HHIP: variants seen among roughly 807,000 people sequenced by gnomAD.
HHIP encodes the protein hedgehog interacting protein.
A neutral mutation model predicts 74.0 loss-of-function variants in HHIP; 12 were observed. The ratio of observed to expected loss-of-function variants is 0.16; its 90% confidence interval spans 0.10 to 0.26. HHIP has a LOEUF of 0.26. Ranked by LOEUF, HHIP falls within the 10% of genes least tolerant of loss-of-function variation. The probability of loss-of-function intolerance (pLI) is 1.00; values close to 1 mark genes in which losing one functional copy is unlikely to be tolerated. For missense variants in HHIP, 788 were observed against 845.0 expected (o/e 0.93, Z 0.84); for synonymous variants, 309 against 311.6 (o/e 0.99, Z 0.09).
chr4:144,649,544 G>A (rs1444219581), intron 1 of HHIP, among the ~76,000 whole-genome samples: 2 of 152,104 alleles, frequency 1.3e-5, no homozygotes, highest in Admixed American at 6.6e-5. Flanking sequence ...AATTTAGGAA[G>A]TCATATTATC....
rs562511340 is a variant in HHIP at position 144,687,445 on chromosome 4, C to T, written c.832-19086C>T. On this transcript the variant is annotated intron_variant, in intron 4 of 12. Transcript: ENST00000296575. Reference sequence around the variant, plus strand: ...TTAATGCATTAACTCTAGGCTAGTACAGAGCTTAATGATGCATCCCTGCTT... The same window carrying T: ...TTAATGCATTAACTCTAGGCTAGTATAGAGCTTAATGATGCATCCCTGCTT... 1.1e-4 allele frequency among the ~76,000 whole-genome samples: 16 copies of T among 152,258 alleles called. No individual in the cohort carries two copies. In the East Asian group the frequency reaches 1.2e-3, roughly 11 times the overall value.
Position 144,734,783 on chromosome 4 carries a change from A to ACAG in HHIP, c.1804_1806dup (p.Gln602dup), listed in dbSNP as rs1210475529. ...AATGCAGAGCCACGGTACAACCTGC[A>ACAG]CAGACACTGACTTCAGAGTGCTCCA... is the stretch of plus-strand genomic sequence containing the variant. On this transcript the variant is annotated inframe_insertion, in exon 12 of 13. Transcript: ENST00000296575. The ACAG allele has an allele frequency of 6.2e-7, 1 of 1,611,404 alleles. No individual in the cohort carries two copies. Among genetic ancestry groups the ACAG allele is most frequent in the Non-Finnish European group, 8.5e-7 (1 of 1,178,046 alleles).
At chr4:144,680,111 T>C (rs1188713464) in intron 4 of HHIP, among the ~76,000 whole-genome samples, 2 of 152,340 alleles carry the variant, frequency 1.3e-5, no homozygotes, top group East Asian at 3.9e-4. Flanking sequence ...TAATTTCTTT[T>C]TAATGAAAAG....
chr4:144,667,821 T>C (rs559276575), intron 4 of HHIP, among the ~76,000 whole-genome samples: 1 of 152,122 alleles, frequency 6.6e-6, no homozygotes, highest in Non-Finnish European at 1.5e-5. Context: ...GTTAATAAAT[T>C]GTAGGATTTG....
chr4:144,678,917 A>G (rs553527760), intron 4 of HHIP, among the ~76,000 whole-genome samples: 2 of 152,318 alleles, frequency 1.3e-5, no homozygotes, highest in Admixed American at 1.3e-4. Context: ...GCTGGGTCAA[A>G]TGGTATTTCC....
chr4:144,707,045 A>G, intron 5 of HHIP, 42 bp from the exon 6 acceptor site: 1 of 1,562,310 alleles, frequency 6.4e-7, no homozygotes, highest in Non-Finnish European at 8.8e-7. Flanking sequence ...CTCATCTTAA[A>G]TCTTTTAACA....
chr4:144,732,541 CT>C (rs1157271798), intron 11 of HHIP, among the ~76,000 whole-genome samples: 1 of 152,118 alleles, frequency 6.6e-6, no homozygotes, highest in Admixed American at 6.5e-5. Context: ...ACACTCTCCC[CT>C]AAAGAATAGC....
rs550288926 is a variant in HHIP, at chr4:144,729,469, A to G, written c.1761-5272A>G. ...TTCCTCCTGGCTGGGAAATGGACCT[A>G]ATTTAGAAACAGGCCTCACAAACTT... On this transcript the variant is annotated intron_variant, in intron 11 of 12. Transcript: ENST00000296575. Among the ~76,000 whole-genome samples the G allele has an allele frequency of 3.0e-4, 45 of 152,284 alleles. 3 individuals carry two copies. In the South Asian group the frequency reaches 9.3e-3, roughly 32 times the overall value.
chr4:144,657,441 A>G (rs1039780489), intron 2 of HHIP, among the ~76,000 whole-genome samples: 2 of 152,092 alleles, frequency 1.3e-5, no homozygotes, highest in African/African-American at 4.8e-5. Flanking sequence ...AAAAATAAAA[A>G]CTTTAGATAT....
chr4:144,707,287 C>T, intron 6 of HHIP, 27 bp downstream of exon 6: 1 of 1,548,764 alleles, frequency 6.5e-7, no homozygotes, highest in Non-Finnish European at 8.7e-7. Context: ...AGATGGGTTC[C>T]TCTCAAGGTT....
chr4:144,706,253 G>T lies in HHIP; in HGVS notation c.832-278G>T, dbSNP rs3733423. Among the ~76,000 whole-genome samples the T allele has an allele frequency of 0.57, 85,908 of 151,578 alleles. 24,510 individuals carry two copies. The highest frequency in any genetic ancestry group is 0.76 in the South Asian group (3,643 of 4,814). On this transcript the variant is annotated intron_variant, in intron 4 of 12. Transcript: ENST00000296575. ...CAGCACTTAAACTTGTCCTCCTAGCGGCCCAAGATTACATACACAAATCAC... is the reference window on the plus strand; with the variant it reads ...CAGCACTTAAACTTGTCCTCCTAGCTGCCCAAGATTACATACACAAATCAC...
chr4:144,697,533 G>A (rs971381077), intron 4 of HHIP, among the ~76,000 whole-genome samples: 1 of 151,994 alleles, frequency 6.6e-6, no homozygotes, highest in African/African-American at 2.4e-5. Flanking sequence ...ATATATTAAA[G>A]TTTCCACAGC....
intron 4 of HHIP, among the ~76,000 whole-genome samples, chr4:144,665,265 C>T (rs1287503429): frequency 6.6e-6 from 1 of 151,904 alleles, no homozygotes; most frequent in East Asian, 1.9e-4. Context: ...GACAGGGTTT[C>T]CTCATGTTGC....
intron 11 of HHIP, among the ~76,000 whole-genome samples, chr4:144,722,273 G>C (rs1681605654): frequency 1.3e-5 from 2 of 152,108 alleles, no homozygotes; most frequent in Admixed American, 1.3e-4. Context: ...GGAGTCAACT[G>C]GTCTGATCTC....
intron 4 of HHIP, among the ~76,000 whole-genome samples, chr4:144,674,409 A>G (rs1018917800): frequency 2.0e-5 from 3 of 152,176 alleles, no homozygotes; most frequent in African/African-American, 4.8e-5. Flanking sequence ...TTTTCTTGCC[A>G]TTTATTTTTT....
At chr4:144,686,913 C>A (rs1476330068) in intron 4 of HHIP, among the ~76,000 whole-genome samples, 2 of 151,966 alleles carry the variant, frequency 1.3e-5, no homozygotes, top group African/African-American at 2.4e-5. Flanking sequence ...AAACTTAAAC[C>A]CTTAAAAAGA....
At chr4:144,685,469 T>C (rs991581111) in intron 4 of HHIP, 11 of 152,222 alleles carry the variant, frequency 7.2e-5, no homozygotes, top group African/African-American at 2.2e-4. Flanking sequence ...ACTTTTATAA[T>C]AGCAACAAAT....
In HHIP at chr4:144,742,793, G is replaced by T. The variant is rs1410929627; in HGVS notation, c.*4836G>T. ...TCTTTTTGTCACACAAACATAAATT[G>T]GTCATATATATATTTATATATATGG... On this transcript the variant is annotated 3_prime_UTR_variant, in exon 13 of 13. Coordinates refer to ENST00000296575, the MANE Select transcript of HHIP (RefSeq NM_022475.3). 3.5e-5 allele frequency: 5 copies of T among 142,080 alleles called. No individual in the cohort carries two copies. Among genetic ancestry groups the T allele is most frequent in the African/African-American group, 1.0e-4 (4 of 38,398 alleles). The allele number at this position is 142,080 out of a possible 1,614,324, so 8.8% of individuals were successfully genotyped here.
Position 144,740,375 on chromosome 4 carries a change from A to G in HHIP, c.*2418A>G, listed in dbSNP as rs1731233645. The G allele has an allele frequency of 6.6e-6, 1 of 152,208 alleles. No individual in the cohort carries two copies. Among genetic ancestry groups the G allele is most frequent in the African/African-American group, 2.4e-5 (1 of 41,456 alleles). The allele number at this position is 152,208 out of a possible 1,614,324, so 9.4% of individuals were successfully genotyped here. On this transcript the variant is annotated 3_prime_UTR_variant, in exon 13 of 13. Transcript: ENST00000296575. ...AGATTTTCAAGTGACTTAGAAAAAC[A>G]TATGTGCCCCAGGTGTCATTGCCTT...
Sources: allele counts gnomAD v4.1 joint callset (sites outside exome capture counted in the v4.1 genomes callset), GRCh38; gene constraint gnomAD v4.1.1; transcripts MANE v1.5; gene names NCBI Gene and HGNC (gene_info 2026-07-23, HGNC 2026-07-21).